TBC1D16: variants seen among roughly 807,000 people sequenced by gnomAD.
TBC1D16 encodes the protein TBC1 domain family member 16.
In TBC1D16, 58 loss-of-function variants were observed where a neutral mutation model predicts 74.7. That is an observed-to-expected ratio of 0.78 (90% confidence interval 0.63 to 0.97). TBC1D16 has a LOEUF of 0.97. Ranked by LOEUF, TBC1D16 falls within the 50% of genes least tolerant of loss-of-function variation. The probability of loss-of-function intolerance (pLI) is 0.00; values close to 1 mark genes in which losing one functional copy is unlikely to be tolerated. For synonymous variants in TBC1D16, 493 were observed against 474.7 expected (o/e 1.04, Z -0.50); for missense variants, 1,014 against 1,079.5 (o/e 0.94, Z 0.85).
In TBC1D16 at chr17:79,950,649, C is replaced by G. The variant is rs1791117754; in HGVS notation, c.1090-71G>C. 6 of 1,569,676 alleles carry G rather than the reference C, an allele frequency of 3.8e-6. No homozygotes were observed. The highest frequency in any genetic ancestry group is 5.2e-6 in the Non-Finnish European group (6 of 1,156,632). ...GGCTTCAGAGGCCAGCAGTGCTTTTCCCAGGAATAAAAGCCTCTCTCTCTT... is the reference window on the plus strand; with the variant it reads ...GGCTTCAGAGGCCAGCAGTGCTTTTGCCAGGAATAAAAGCCTCTCTCTCTT... On this transcript the variant is annotated intron_variant, in intron 5 of 11. Transcript: ENST00000310924. The surrounding 1 kb of genome is among the most constrained non-coding windows in gnomAD (Gnocchi z 4.6).
chr17:80,014,694 T>C (rs1348465859), intron 1 of TBC1D16, among the ~76,000 whole-genome samples: 1 of 151,658 alleles, frequency 6.6e-6, no homozygotes, highest in East Asian at 1.9e-4. Flanking sequence ...CTGAAATTCC[T>C]CCCTTAGGAA....
In TBC1D16 at chr17:79,981,117, G is replaced by A. The variant is rs1022017859; in HGVS notation, c.780-28299C>T. On this transcript the variant is annotated intron_variant, in intron 3 of 11. Transcript: ENST00000310924. This position sits in a 1 kb window ranked among gnomAD's most constrained non-coding sequence, Gnocchi z 6.9. Reference sequence around the variant, plus strand: ...AGCTGAATTCTGTATCTAGCCCCTCGTGGCAGCAGTGACGGAAGGACAGAA... The same window carrying A: ...AGCTGAATTCTGTATCTAGCCCCTCATGGCAGCAGTGACGGAAGGACAGAA... Among the ~76,000 whole-genome samples the A allele has an allele frequency of 2.0e-5, 3 of 152,200 alleles. No individual in the cohort carries two copies. The highest frequency in any genetic ancestry group is 4.8e-5 in the African/African-American group (2 of 41,436).
At position 79,939,526 on chromosome 17, in the gene TBC1D16, C is replaced by G. The variant is rs2031823258; in HGVS notation, c.*1333G>C. 6.6e-6 allele frequency: 1 copy of G among 152,174 alleles called. No individual in the cohort carries two copies. The highest frequency in any genetic ancestry group is 1.5e-5 in the Non-Finnish European group (1 of 68,036). 9.4% of individuals were successfully genotyped at this position (152,174 alleles called of 1,614,324 possible). ...GGTTCTCAGCACATCAAGGGTTTTT[C>G]TCCCCAGAAGGACGCGATGGAGGAT... On this transcript the variant is annotated 3_prime_UTR_variant, in exon 12 of 12. Coordinates refer to ENST00000310924, the MANE Select transcript of TBC1D16 (RefSeq NM_019020.4).
intron 9 of TBC1D16, among the ~76,000 whole-genome samples, chr17:79,945,895 T>C (rs2032493732): frequency 1.3e-5 from 2 of 152,226 alleles, no homozygotes; most frequent in South Asian, 4.1e-4. Flanking sequence ...CGGGGCCACA[T>C]GCCCCCTTCC....
intron 3 of TBC1D16, chr17:79,991,856 G>A (rs576319262): frequency 2.3e-4 from 35 of 151,804 alleles, no homozygotes; most frequent in African/African-American, 8.5e-4. Context: ...AGTTTGCAAG[G>A]GGCGGTGCCG....
Position 79,933,017 on chromosome 17 carries a change from A to G in TBC1D16, c.*7842T>C, listed in dbSNP as rs1463479980. ...AAGCACTTCGTCTAAATTGCATGGC[A>G]CACACCCCAGGAGCCCAAAGATCTG... is the stretch of plus-strand genomic sequence containing the variant. On this transcript the variant is annotated 3_prime_UTR_variant, in exon 12 of 12. Transcript: ENST00000310924. 6.6e-6 allele frequency: 1 copy of G among 152,196 alleles called. No individual in the cohort carries two copies. Among genetic ancestry groups the G allele is most frequent in the Non-Finnish European group, 1.5e-5 (1 of 68,056 alleles). The allele number at this position is 152,196 out of a possible 1,614,324, so 9.4% of individuals were successfully genotyped here. A position where few individuals can be genotyped will look rare whatever the true frequency, so the allele number is the denominator to read the frequency against.
intron 1 of TBC1D16, among the ~76,000 whole-genome samples, chr17:80,033,170 G>A (rs1032884043): frequency 6.6e-6 from 1 of 152,176 alleles, no homozygotes; most frequent in Admixed American, 6.5e-5. Flanking sequence ...ATTAATAACA[G>A]TGTTAAAATG....
intron 9 of TBC1D16, among the ~76,000 whole-genome samples, chr17:79,945,325 T>C (rs2032432351): frequency 1.3e-5 from 2 of 152,166 alleles, no homozygotes; most frequent in Admixed American, 1.3e-4. Flanking sequence ...TGTGGTGTGG[T>C]CCAGGGTGAG....
At chr17:80,006,233 T>A (rs900404896) in intron 3 of TBC1D16, among the ~76,000 whole-genome samples, 3 of 151,788 alleles carry the variant, frequency 2.0e-5, no homozygotes, top group Admixed American at 6.6e-5. Context: ...TCTTTCTCTC[T>A]CTCTCTCTCT....
chr17:79,952,625 A>G, intron 4 of TBC1D16, 32 bp downstream of exon 4: 1 of 1,565,718 alleles, frequency 6.4e-7, no homozygotes, highest in South Asian at 1.2e-5. Flanking sequence ...ACACAGGCCA[A>G]CTCCCAGGAG....
chr17:79,942,178 A>G lies in TBC1D16; in HGVS notation c.1937T>C (p.Val646Ala). Residue 646 changes from valine to alanine, a missense_variant, in exon 11 of 12, where the codon GTG (valine) becomes GCG (alanine). Transcript: ENST00000310924. ...QTDYFHLFIC[V>A]AIVAIYGDDV... ...ATCCCCGTAGATGGCCACGATGGCC[A>G]CGCAGATGAAAAGGTGGAAGTAGTC... The G allele has an allele frequency of 6.2e-7, 1 of 1,606,508 alleles. No homozygotes were observed.
At position 80,021,708 on chromosome 17, in the gene TBC1D16, C is replaced by T. The variant is rs540842268; in HGVS notation, c.-62-8099G>A. The stretch of plus-strand genomic sequence containing the variant: ...GCACACTGCATAAACATCACAGACA[C>T]ACACACCACACACCACAGACACACA... On this transcript the variant is annotated intron_variant, in intron 1 of 11. Coordinates refer to ENST00000310924, the MANE Select transcript of TBC1D16 (RefSeq NM_019020.4). Among the ~76,000 whole-genome samples the T allele has an allele frequency of 5.9e-4, 88 of 148,746 alleles. 2 individuals are homozygous for T. Among genetic ancestry groups the T allele is most frequent in the Admixed American group, 1.9e-3 (29 of 15,142 alleles).
rs759273067 is a variant in TBC1D16 at position 79,942,112 on chromosome 17, A to T, written c.2003T>A (p.Leu668Gln). 2.9e-5 allele frequency: 47 copies of T among 1,612,128 alleles called. No individual in the cohort carries two copies. The highest frequency in any genetic ancestry group is 3.9e-5 in the Non-Finnish European group (46 of 1,179,682). The change falls in exon 11 of 12, where the codon CTG becomes CAG. Residue 668 changes from leucine to glutamine, a missense_variant. Coordinates refer to ENST00000310924, the MANE Select transcript of TBC1D16 (RefSeq NM_019020.4). ...EQQLATDQML[L>Q]HFGNLAMHMN... ...GTGCATGGCCAGGTTTCCGAAGTGC[A>T]GGAGCATCTGGTCCGTGGCCAGCTG... is the stretch of plus-strand genomic sequence containing the variant.
chr17:79,969,294 G>A (rs1347339179), intron 3 of TBC1D16, among the ~76,000 whole-genome samples: 1 of 152,178 alleles, frequency 6.6e-6, no homozygotes, highest in Non-Finnish European at 1.5e-5. Context: ...GCTGAGGCAG[G>A]AGAATCGCTT....
At chr17:80,023,928 T>C (rs1490482548) in intron 1 of TBC1D16, 2 of 150,102 alleles carry the variant, frequency 1.3e-5, no homozygotes, top group Non-Finnish European at 2.9e-5. Context: ...TTTAACCCGA[T>C]CCTGTCAGAA....
At chr17:80,029,174 T>C (rs2036690082) in intron 1 of TBC1D16, among the ~76,000 whole-genome samples, 1 of 152,052 alleles carries the variant, frequency 6.6e-6, no homozygotes, top group African/African-American at 2.4e-5. Context: ...GCAGGGGTGT[T>C]AAACTGGTGA....
rs575701923 is a variant in TBC1D16 at position 79,952,740 on chromosome 17, C to T, written c.858G>A (p.Pro286=). The T allele has an allele frequency of 1.9e-5, 30 of 1,612,160 alleles. No homozygotes were observed. In the East Asian group the frequency reaches 2.0e-4, roughly 11 times the overall value. ...TCTGCTCCAGGGCGCACACCCGCTG[C>T]GGCTCGTCCCAGCGTGGGGTCTGCA... ...GLLQTPRWDE[P]QRVCALEQIC... The change falls in exon 4 of 12, where the codon CCG becomes CCA. Residue 286 remains proline, a synonymous_variant. Transcript: ENST00000310924.
intron 3 of TBC1D16, among the ~76,000 whole-genome samples, chr17:79,960,561 G>GC (rs1284075662): frequency 6.6e-6 from 1 of 151,890 alleles, no homozygotes; most frequent in Admixed American, 6.6e-5. Context: ...TTCAAGACTA[G>GC]CCTGGGCAAC....
chr17:79,945,760 C>A (rs935005395), intron 9 of TBC1D16, among the ~76,000 whole-genome samples: 1 of 152,244 alleles, frequency 6.6e-6, no homozygotes, highest in Admixed American at 6.5e-5. Flanking sequence ...TAACTGCCTC[C>A]CCAAGCAATG....
Sources: gnomAD v4.1 joint callset for allele counts (sites outside exome capture counted in the v4.1 genomes callset) on GRCh38, gnomAD v4.1.1 for gene constraint, Gnocchi (gnomAD v3.1) non-coding constraint, MANE v1.5 for transcripts, NCBI Gene and HGNC (gene_info 2026-07-23, HGNC 2026-07-21) for gene names.